The following ST18 variants were observed in gnomAD, a reference collection of about 807,000 sequenced individuals.
The protein encoded by ST18 is suppression of tumorigenicity 18 protein.
Under a neutral mutation model 110.0 loss-of-function variants are expected in ST18, and 50 were observed. That is an observed-to-expected ratio of 0.45 (90% confidence interval 0.36 to 0.58). The LOEUF (loss-of-function observed/expected upper bound fraction) is 0.58. Ranked by LOEUF, ST18 falls within the 20% of genes least tolerant of loss-of-function variation. The pLI is 0.00. For missense variants in ST18, 1,306 were observed against 1,280.1 expected, an observed-to-expected ratio of 1.02 and a Z score of -0.31; for synonymous variants, 461 against 452.4, an observed-to-expected ratio of 1.02 and a Z score of -0.24.
At chr8:52,363,190 G>A (rs919044749) in intron 2 of ST18, among the ~76,000 whole-genome samples, 3 of 152,004 alleles carry the variant, frequency 2.0e-5, no homozygotes, top group African/African-American at 2.4e-5. Flanking sequence ...CAGCCTGGGC[G>A]ACAGAGCGAG....
intron 2 of ST18, among the ~76,000 whole-genome samples, chr8:52,355,569 GCAA>G (rs1429165417): frequency 6.6e-6 from 1 of 152,222 alleles, no homozygotes; most frequent in Non-Finnish European, 1.5e-5. Context: ...CAATAAGCTG[GCAA>G]CAACTGTCAG....
chr8:52,188,469 G>T (rs950785763), intron 8 of ST18, among the ~76,000 whole-genome samples: 1 of 152,244 alleles, frequency 6.6e-6, no homozygotes, highest in Admixed American at 6.5e-5. Flanking sequence ...GAAGGAGGAG[G>T]AATAATAGGA....
chr8:52,161,196 A>G (rs2061362107), intron 14 of ST18, among the ~76,000 whole-genome samples, 179 bp downstream of exon 14: 1 of 152,236 alleles, frequency 6.6e-6, no homozygotes, highest in South Asian at 2.1e-4. Flanking sequence ...CATAAAATCA[A>G]TAACATTGAT....
chr8:52,252,047 T>A (rs1051082142), intron 2 of ST18, among the ~76,000 whole-genome samples: 2 of 152,084 alleles, frequency 1.3e-5, no homozygotes, highest in African/African-American at 4.8e-5. Flanking sequence ...TTCACATTGC[T>A]CTACTACCAT....
At chr8:52,376,807 G>T (rs1230864182) in intron 2 of ST18, among the ~76,000 whole-genome samples, 1 of 152,142 alleles carries the variant, frequency 6.6e-6, no homozygotes, top group Non-Finnish European at 1.5e-5. Flanking sequence ...TGAATCTGAG[G>T]TTACATGATC....
intron 25 of ST18, 56 bp downstream of exon 25, chr8:52,116,219 A>G: frequency 1.3e-6 from 2 of 1,581,664 alleles, no homozygotes; most frequent in Non-Finnish European, 8.6e-7. Context: ...GGGTAGATGC[A>G]TGATGACACT....
At chr8:52,387,902 T>C (rs769919954) in intron 2 of ST18, among the ~76,000 whole-genome samples, 3 of 152,150 alleles carry the variant, frequency 2.0e-5, no homozygotes, top group Non-Finnish European at 4.4e-5. Context: ...TTTGAGTTCA[T>C]TTAACCAACA....
intron 2 of ST18, among the ~76,000 whole-genome samples, chr8:52,279,269 T>C (rs2095330720): frequency 6.6e-6 from 1 of 151,920 alleles, no homozygotes. Flanking sequence ...ATAAAAAATA[T>C]AACAAATAAA....
chr8:52,243,448 C>T (rs1237629019), intron 2 of ST18, among the ~76,000 whole-genome samples: 1 of 152,130 alleles, frequency 6.6e-6, no homozygotes, highest in Non-Finnish European at 1.5e-5. Flanking sequence ...ATATTGCTGA[C>T]ACAGGTTTTT....
intron 15 of ST18, among the ~76,000 whole-genome samples, chr8:52,156,793 C>T (rs2060131233): frequency 6.6e-6 from 1 of 152,126 alleles, no homozygotes; most frequent in Non-Finnish European, 1.5e-5. Flanking sequence ...GGATTCTGCA[C>T]AAAGTGACAA....
At chr8:52,375,004 T>C (rs377394098) in intron 2 of ST18, among the ~76,000 whole-genome samples, 106 of 152,228 alleles carry the variant, frequency 7.0e-4, no homozygotes, top group African/African-American at 2.5e-3. Flanking sequence ...TATTTCCTCC[T>C]CATGTGTTAA....
At chr8:52,129,206 C>A (rs2048246139) in intron 22 of ST18, among the ~76,000 whole-genome samples, 1 of 152,068 alleles carries the variant, frequency 6.6e-6, no homozygotes. Context: ...TGGCTCATAC[C>A]TGTAATCTCA....
intron 2 of ST18, among the ~76,000 whole-genome samples, chr8:52,389,135 G>A (rs1268415763): frequency 3.3e-5 from 5 of 152,128 alleles, no homozygotes; most frequent in Middle Eastern, 3.2e-3. Flanking sequence ...GGCGCTGCCC[G>A]GGGCTTGGCT....
chr8:52,246,960 G>C lies in ST18; in HGVS notation c.-464-16883C>G, dbSNP rs536072624. On this transcript the variant is annotated intron_variant, in intron 2 of 25. Coordinates refer to ENST00000689386, the MANE Select transcript of ST18 (RefSeq NM_001352837.2). Reference sequence around the variant, plus strand: ...CAGACTGAGTCAGTGGAAGAACCAGGTTTCAGATATGTGAACTCAAAAAGG... The same window carrying C: ...CAGACTGAGTCAGTGGAAGAACCAGCTTTCAGATATGTGAACTCAAAAAGG... Among the ~76,000 whole-genome samples, 229 of 152,230 alleles carry C rather than the reference G, an allele frequency of 1.5e-3. 2 individuals are homozygous for C. The highest frequency in any genetic ancestry group is 5.3e-3 in the African/African-American group (219 of 41,562).
At chr8:52,307,266 T>G (rs1483348242) in intron 2 of ST18, among the ~76,000 whole-genome samples, 1 of 152,198 alleles carries the variant, frequency 6.6e-6, no homozygotes, top group African/African-American at 2.4e-5. Context: ...TCCCTAAAGT[T>G]CTTTGAATTA....
At chr8:52,348,842 T>C (rs1237367085) in intron 2 of ST18, among the ~76,000 whole-genome samples, 1 of 152,210 alleles carries the variant, frequency 6.6e-6, no homozygotes, top group African/African-American at 2.4e-5. Flanking sequence ...ATATTATTAT[T>C]AGATATAGTT....
At chr8:52,154,230 C>T (rs1018349670) in intron 15 of ST18, among the ~76,000 whole-genome samples, 9 of 152,214 alleles carry the variant, frequency 5.9e-5, no homozygotes, top group South Asian at 2.1e-4. Context: ...GGGTTCTCAC[C>T]GCCCAGAGGG....
chr8:52,361,297 T>C (rs1372248592), intron 2 of ST18, among the ~76,000 whole-genome samples: 2 of 152,186 alleles, frequency 1.3e-5, no homozygotes, highest in Admixed American at 6.5e-5. Flanking sequence ...AAAGACAATA[T>C]ATAATCAATA....
chr8:52,187,663 G>A (rs771800487), intron 8 of ST18, among the ~76,000 whole-genome samples: 1 of 152,162 alleles, frequency 6.6e-6, no homozygotes, highest in Non-Finnish European at 1.5e-5. Context: ...ACCTAGGAAA[G>A]GAAAGGCATT....
Sources: gnomAD v4.1 joint callset for allele counts (sites outside exome capture counted in the v4.1 genomes callset) on GRCh38, gnomAD v4.1.1 for gene constraint, MANE v1.5 for transcripts, NCBI Gene and HGNC (gene_info 2026-07-23, HGNC 2026-07-21) for gene names.